The following GLIS3 variants were observed in gnomAD, a reference collection of about 807,000 sequenced individuals.
GLIS3 encodes GLIS family zinc finger 3, also known as zinc finger protein GLIS3.
GLIS3 carries 53 observed loss-of-function variants against 78.6 expected under a neutral mutation model. The observed-to-expected ratio is 0.67, with a 90% CI of 0.54 to 0.85. GLIS3 has a LOEUF of 0.85. Ranked by LOEUF, GLIS3 falls within the 40% of genes least tolerant of loss-of-function variation. The pLI is 0.00. For synonymous variants in GLIS3, 684 were observed against 509.9 expected (o/e 1.34, Z -4.60); for missense variants, 1,703 against 1,231.1 (o/e 1.38, Z -5.74).
Position 4,059,832 on chromosome 9 carries a change from G to C in GLIS3, c.1710+57936C>G, listed in dbSNP as rs868237005. ...TGTGTGTGTGTGTGTGTGTGTGTGA[G>C]AGAGAGAGAGAGAGAGAGAGAGAGA... On this transcript the variant is annotated intron_variant, in intron 4 of 10. Coordinates refer to ENST00000381971, the MANE Select transcript of GLIS3 (RefSeq NM_001042413.2). Among the ~76,000 whole-genome samples the C allele has an allele frequency of 2.9e-4, 37 of 126,658 alleles. No individual in the cohort carries two copies. The Middle Eastern group carries it at 0.011, about 39-fold the overall frequency. 83.1% of individuals were successfully genotyped at this position (126,658 alleles called of 152,430 possible).
the GLIS3 span, among the ~76,000 whole-genome samples, chr9:4,415,061 C>T: frequency 6.6e-6 from 1 of 152,200 alleles, no homozygotes; most frequent in Non-Finnish European, 1.5e-5. Context: ...TCAACTACTA[C>T]TCAACTTAGG....
chr9:4,227,913 G>A (rs1587053222), intron 2 of GLIS3, among the ~76,000 whole-genome samples: 2 of 152,340 alleles, frequency 1.3e-5, no homozygotes, highest in Middle Eastern at 6.8e-3. Context: ...CAAAGAAATG[G>A]TGGCATCGGA....
the GLIS3 span, among the ~76,000 whole-genome samples, chr9:4,479,155 G>T: frequency 1.3e-5 from 2 of 152,048 alleles, no homozygotes; most frequent in Non-Finnish European, 2.9e-5. Flanking sequence ...CAAACTACTG[G>T]GCTTGAGCAG....
intron 2 of GLIS3, among the ~76,000 whole-genome samples, chr9:4,171,327 A>T (rs79453103): frequency 0.052 from 7,979 of 152,258 alleles, 314 homozygotes; most frequent in African/African-American, 0.11. Flanking sequence ...TGTTGTACCC[A>T]AGCCTAGTAA....
chr9:3,882,297 C>CCTATTTTTCCT (rs561972950), intron 7 of GLIS3, among the ~76,000 whole-genome samples: 21 of 152,312 alleles, frequency 1.4e-4, no homozygotes, highest in African/African-American at 4.8e-4. Flanking sequence ...TCCTATTTTT[C>CCTATTTTTCCT]ATTTGTTGAC....
rs139366229 is a variant in GLIS3 at position 4,246,713 on chromosome 9, C to T, written c.388+39325G>A. 1.8e-3 allele frequency among the ~76,000 whole-genome samples: 274 copies of T among 152,264 alleles called. 11 individuals are homozygous for T. In the East Asian group the frequency reaches 0.036, roughly 20 times the overall value. On this transcript the variant is annotated intron_variant, in intron 2 of 10. Transcript: ENST00000381971. ...TGTAAGAGCTGGTCTCATCCTTTAC[C>T]TCCTATCATTTCCTAAAACAAAACT...
the GLIS3 span, among the ~76,000 whole-genome samples, chr9:4,369,451 G>A: frequency 6.6e-6 from 1 of 152,180 alleles, no homozygotes; most frequent in South Asian, 2.1e-4. Flanking sequence ...CCAAGGGTAG[G>A]TTTCTGTTAT....
At chr9:4,015,203 A>T (rs1465585177) in intron 4 of GLIS3, among the ~76,000 whole-genome samples, 1 of 152,206 alleles carries the variant, frequency 6.6e-6, no homozygotes, top group Non-Finnish European at 1.5e-5. Flanking sequence ...CATGGCATGG[A>T]AGGCCGTGTG....
chr9:4,287,253 G>A (rs1053489347), intron 1 of GLIS3, among the ~76,000 whole-genome samples: 3 of 152,172 alleles, frequency 2.0e-5, no homozygotes, highest in African/African-American at 4.8e-5. Flanking sequence ...GGGAGCATAA[G>A]GAGAGAACGT....
chr9:3,921,776 T>C (rs894954554), intron 6 of GLIS3, among the ~76,000 whole-genome samples: 1 of 152,106 alleles, frequency 6.6e-6, no homozygotes, highest in Non-Finnish European at 1.5e-5. Context: ...TTCAAATCAA[T>C]ATAAAAATTA....
chr9:4,256,312 C>T (rs1824934372), intron 2 of GLIS3, among the ~76,000 whole-genome samples: 1 of 152,126 alleles, frequency 6.6e-6, no homozygotes, highest in Admixed American at 6.5e-5. Flanking sequence ...GATGGTTTTA[C>T]ATTAAGTATG....
the GLIS3 span, among the ~76,000 whole-genome samples, chr9:4,433,020 C>T: frequency 4.6e-5 from 7 of 152,176 alleles, no homozygotes; most frequent in Non-Finnish European, 4.4e-5. Context: ...GGAAACCTGC[C>T]TCCCAGGTGT....
intron 1 of GLIS3, among the ~76,000 whole-genome samples, chr9:4,297,598 C>T (rs1816659188): frequency 6.6e-6 from 1 of 152,176 alleles, no homozygotes; most frequent in Admixed American, 6.5e-5. Context: ...AAGAGCAACC[C>T]TCTTTGTGAA....
chr9:4,248,700 C>T (rs369789593), intron 2 of GLIS3, among the ~76,000 whole-genome samples: 89 of 152,334 alleles, frequency 5.8e-4, no homozygotes, highest in African/African-American at 2.0e-3. Context: ...TTTACACTCC[C>T]ACCAACAGTG....
chr9:4,213,799 T>C (rs1208373747), intron 2 of GLIS3, among the ~76,000 whole-genome samples: 1 of 152,052 alleles, frequency 6.6e-6, no homozygotes, highest in African/African-American at 2.4e-5. Context: ...TATTCATTCA[T>C]CCAATAAACA....
intron 9 of GLIS3, among the ~76,000 whole-genome samples, chr9:3,837,624 C>T (rs903720670): frequency 3.3e-5 from 5 of 152,196 alleles, no homozygotes; most frequent in East Asian, 1.9e-4. Context: ...TGAAAAGACA[C>T]GGAGGGAATT....
the GLIS3 span, among the ~76,000 whole-genome samples, chr9:4,403,350 A>G: frequency 1.3e-5 from 2 of 152,348 alleles, no homozygotes; most frequent in African/African-American, 2.4e-5. Flanking sequence ...TTAATGACCA[A>G]GAAGAAATCA....
At chr9:4,374,760 C>T in the GLIS3 span, among the ~76,000 whole-genome samples, 1 of 152,238 alleles carries the variant, frequency 6.6e-6, no homozygotes, top group Admixed American at 6.5e-5. Flanking sequence ...ATACAAGACT[C>T]AAACGTCCAA....
At chr9:3,880,741 C>T (rs913906873) in intron 7 of GLIS3, among the ~76,000 whole-genome samples, 1 of 152,188 alleles carries the variant, frequency 6.6e-6, no homozygotes, top group Non-Finnish European at 1.5e-5. Context: ...CCCAGATGAC[C>T]TAGCCCCCAA....
Sources: gnomAD v4.1 joint callset for allele counts (sites outside exome capture counted in the v4.1 genomes callset) on GRCh38, gnomAD v4.1.1 for gene constraint, MANE v1.5 for transcripts, NCBI Gene and HGNC (gene_info 2026-07-23, HGNC 2026-07-21) for gene names.